The following ADAM12 variants were observed in gnomAD, a reference collection of about 807,000 sequenced individuals.
The protein encoded by ADAM12 is ADAM metallopeptidase domain 12.
In ADAM12, 70 loss-of-function variants were observed where a neutral mutation model predicts 106.4. That is an observed-to-expected ratio of 0.66 (90% confidence interval 0.54 to 0.80). The LOEUF (loss-of-function observed/expected upper bound fraction) is 0.80. Ranked by LOEUF, ADAM12 falls within the 30% of genes least tolerant of loss-of-function variation. ADAM12 has a pLI of 0.00. For synonymous variants in ADAM12, 420 were observed against 433.5 expected, an observed-to-expected ratio of 0.97 and a Z score of 0.39; for missense variants, 1,010 against 1,171.9, an observed-to-expected ratio of 0.86 and a Z score of 2.02.
At chr10:126,119,442 G>T (rs1024542429) in intron 5 of ADAM12, among the ~76,000 whole-genome samples, 7 of 152,212 alleles carry the variant, frequency 4.6e-5, no homozygotes, top group African/African-American at 1.7e-4. Flanking sequence ...AATAAGGGCA[G>T]ATTCATGGAT....
At position 126,046,771 on chromosome 10, in the gene ADAM12, C is replaced by T. The variant is rs907208454; in HGVS notation, c.1918-639G>A. Reference sequence around the variant, plus strand: ...TGAGCCGAGATCATGCTACTGCACTCCAGTCTGGCGACAGAGAGAGATTCC... The same window carrying T: ...TGAGCCGAGATCATGCTACTGCACTTCAGTCTGGCGACAGAGAGAGATTCC... On this transcript the variant is annotated intron_variant, in intron 16 of 22. Transcript: ENST00000448723. Among the ~76,000 whole-genome samples the T allele has an allele frequency of 3.5e-5, 5 of 142,198 alleles. No individual in the cohort carries two copies. The Admixed American group carries it at 3.7e-4, about 11-fold the overall frequency. The allele number at this position is 142,198 out of a possible 152,430, so 93.3% of individuals were successfully genotyped here. A position where few individuals can be genotyped will look rare whatever the true frequency, so the allele number is the denominator to read the frequency against.
At chr10:126,383,983 T>C (rs1228821304) in intron 1 of ADAM12, among the ~76,000 whole-genome samples, 2 of 152,226 alleles carry the variant, frequency 1.3e-5, no homozygotes, top group East Asian at 3.9e-4. Context: ...CAAACGCTTA[T>C]GGAAATATTA....
At position 126,098,496 on chromosome 10, in the gene ADAM12, C is replaced by T; in HGVS notation, c.916G>A (p.Val306Ile). 1 of 1,613,268 alleles carries T rather than the reference C, an allele frequency of 6.2e-7. No individual in the cohort carries two copies. Among genetic ancestry groups the T allele is most frequent in the Non-Finnish European group, 8.5e-7 (1 of 1,179,272 alleles). The change falls in exon 10 of 23, where the codon GTT (valine) becomes ATT (isoleucine). Residue 306 changes from valine (V) to isoleucine (I), a missense_variant. Physicochemically the swap from Val to Ile is conservative, Grantham distance 29 (BLOSUM62 3). Coordinates refer to ENST00000448723, the MANE Select transcript of ADAM12 (RefSeq NM_001288973.2). ...CCGATGGTGGTCCCTTGGAAATAAA[C>T]CCCACTAGGAAATAAAAGAGAGGAC... is the stretch of plus-strand genomic sequence containing the variant. ...SHDNAQLVSG[V>I]YFQGTTIGMA...
At chr10:126,347,078 C>T (rs1018013580) in intron 1 of ADAM12, among the ~76,000 whole-genome samples, 1 of 152,078 alleles carries the variant, frequency 6.6e-6, no homozygotes, top group Non-Finnish European at 1.5e-5. Context: ...ATGATAGCTG[C>T]TTATTTTGCT....
At chr10:126,133,596 T>C (rs556669171) in intron 5 of ADAM12, among the ~76,000 whole-genome samples, 329 of 152,206 alleles carry the variant, frequency 2.2e-3, no homozygotes, top group Non-Finnish European at 3.1e-3. Context: ...AGTGCCCCTG[T>C]AAAAATGTGA....
intron 21 of ADAM12, among the ~76,000 whole-genome samples, chr10:126,028,126 G>C (rs1438038296): frequency 6.6e-6 from 1 of 151,900 alleles, no homozygotes; most frequent in African/African-American, 2.4e-5. Flanking sequence ...GCAGCTACAA[G>C]GGACATGAAG....
At chr10:126,235,028 A>G (rs1004325594) in intron 3 of ADAM12, among the ~76,000 whole-genome samples, 2 of 152,190 alleles carry the variant, frequency 1.3e-5, no homozygotes, top group African/African-American at 4.8e-5. Context: ...GACTGGATGG[A>G]CATGGGAGGA....
rs116429704 is a variant in ADAM12 at position 126,162,413 on chromosome 10, G to A, written c.261-7108C>T. Among the ~76,000 whole-genome samples the A allele has an allele frequency of 3.9e-3, 594 of 152,194 alleles. 6 individuals are homozygous for A. Among genetic ancestry groups the A allele is most frequent in the African/African-American group, 0.013 (530 of 41,520 alleles). On this transcript the variant is annotated intron_variant, in intron 3 of 22. Coordinates refer to ENST00000448723, the MANE Select transcript of ADAM12 (RefSeq NM_001288973.2). Reference sequence around the variant, plus strand: ...GCGCAGAGGGGAGGGGAAATGACACGGATGCCAGGTGGTCAGGGCGCAGGG... The same window carrying A: ...GCGCAGAGGGGAGGGGAAATGACACAGATGCCAGGTGGTCAGGGCGCAGGG...
intron 18 of ADAM12, chr10:126,041,327 C>G: frequency 1.0e-6 from 1 of 985,784 alleles, no homozygotes; most frequent in Non-Finnish European, 1.2e-6. Context: ...TATGTATGAA[C>G]AGGGTGGAGG....
At position 126,203,490 on chromosome 10, in the gene ADAM12, C is replaced by T. The variant is rs542971369; in HGVS notation, c.261-48185G>A. Among the ~76,000 whole-genome samples, 7 of 152,200 alleles carry T rather than the reference C, an allele frequency of 4.6e-5. No individual in the cohort carries two copies. The South Asian group carries it at 6.2e-4, about 14-fold the overall frequency. Reference sequence around the variant, plus strand: ...AAAATTATGTTTTACACATTTCAGACGTTCTTTTTGAATAAATATAGAAGC... The same window carrying T: ...AAAATTATGTTTTACACATTTCAGATGTTCTTTTTGAATAAATATAGAAGC... On this transcript the variant is annotated intron_variant, in intron 3 of 22. Coordinates refer to ENST00000448723, the MANE Select transcript of ADAM12 (RefSeq NM_001288973.2).
At chr10:126,294,393 T>C (rs1172272264) in intron 2 of ADAM12, among the ~76,000 whole-genome samples, 3 of 152,158 alleles carry the variant, frequency 2.0e-5, no homozygotes, top group African/African-American at 7.2e-5. Flanking sequence ...CTTAGCGTAT[T>C]TTCAGCCTTC....
At position 126,071,485 on chromosome 10, in the gene ADAM12, C is replaced by A; in HGVS notation, c.1315G>T (p.Glu439Ter). 3 of 1,613,988 alleles carry A rather than the reference C, an allele frequency of 1.9e-6. No individual in the cohort carries two copies. Among genetic ancestry groups the A allele is most frequent in the Non-Finnish European group, 2.5e-6 (3 of 1,179,978 alleles). The change falls in exon 12 of 23, where the codon GAG (glutamate) becomes TAG (stop). Residue 439 changes from glutamate to a stop codon, truncating the protein, a stop_gained. Coordinates refer to ENST00000448723, the MANE Select transcript of ADAM12 (RefSeq NM_001288973.2). LOFTEE classifies it high-confidence loss of function. ...VEEGEECDCG[E>*]PEECMNRCCN... ...CTGGGAATGGTTCTTACCTCTGGCT[C>A]CCCACAGTCACACTCCTCTCCTTCT...
chr10:126,268,003 A>G (rs1408754393), intron 3 of ADAM12, among the ~76,000 whole-genome samples: 1 of 152,156 alleles, frequency 6.6e-6, no homozygotes, highest in Non-Finnish European at 1.5e-5. Context: ...ACCATTTGCA[A>G]TTGCATAATT....
Position 126,039,356 on chromosome 10 carries a change from G to GAGAT in ADAM12, c.2174_2177dup (p.Lys727SerfsTer14). Reference sequence around the variant, plus strand: ...GCAGTCGTATCAAGGTCTTCCTTTTGAGATAAACCACAAATCCGGCAGCAA... The same window carrying GAGAT: ...GCAGTCGTATCAAGGTCTTCCTTTTGAGATAGATAAACCACAAATCCGGCAGCAA... On this transcript the variant is annotated frameshift_variant, in exon 19 of 23. Transcript: ENST00000448723. LOFTEE classifies it high-confidence loss of function. 6.2e-7 allele frequency: 1 copy of GAGAT among 1,614,082 alleles called. No homozygotes were observed. The highest frequency in any genetic ancestry group is 8.5e-7 in the Non-Finnish European group (1 of 1,179,998).
intron 11 of ADAM12, among the ~76,000 whole-genome samples, 199 bp downstream of exon 11, chr10:126,093,786 C>A (rs902050038): frequency 1.6e-4 from 24 of 152,236 alleles, no homozygotes; most frequent in African/African-American, 5.3e-4. Context: ...CTTGTACACA[C>A]CATGTAGCAT....
intron 3 of ADAM12, among the ~76,000 whole-genome samples, chr10:126,242,651 T>C (rs573564120): frequency 3.9e-5 from 6 of 152,178 alleles, no homozygotes; most frequent in Admixed American, 2.0e-4. Context: ...TGAAGACCAA[T>C]TGTGCTTTAT....
intron 1 of ADAM12, among the ~76,000 whole-genome samples, chr10:126,368,838 T>C (rs535714351): frequency 5.3e-5 from 8 of 152,260 alleles, no homozygotes; most frequent in African/African-American, 1.7e-4. Context: ...ACCAGATCAC[T>C]AAATGCTAGC....
chr10:126,029,969 T>G (rs895349713), intron 21 of ADAM12, among the ~76,000 whole-genome samples: 5 of 152,208 alleles, frequency 3.3e-5, no homozygotes, highest in African/African-American at 1.2e-4. Flanking sequence ...ATATGACTTT[T>G]GCACAGCAAT....
intron 3 of ADAM12, among the ~76,000 whole-genome samples, chr10:126,269,008 C>G (rs576545410): frequency 3.3e-5 from 5 of 152,076 alleles, no homozygotes; most frequent in South Asian, 4.2e-4. Context: ...CCCCGAGAAC[C>G]GCTGGTTATC....
Sources: gnomAD v4.1 joint callset for allele counts (sites outside exome capture counted in the v4.1 genomes callset) on GRCh38, gnomAD v4.1.1 for gene constraint, MANE v1.5 for transcripts, NCBI Gene and HGNC (gene_info 2026-07-23, HGNC 2026-07-21) for gene names.